Variants in CDH8 observed in about 807,000 individuals in gnomAD.
The protein encoded by CDH8 is cadherin-8.
A neutral mutation model predicts 68.1 loss-of-function variants in CDH8; 17 were observed. The observed-to-expected ratio is 0.25, with a 90% CI of 0.17 to 0.37. The LOEUF (loss-of-function observed/expected upper bound fraction) is 0.37. Ranked by LOEUF, CDH8 falls within the 10% of genes least tolerant of loss-of-function variation. CDH8 has a pLI of 1.00. For missense variants in CDH8, 763 were observed against 999.3 expected (o/e 0.76, Z 3.19); for synonymous variants, 372 against 365.1 (o/e 1.02, Z -0.21).
At chr16:61,971,912 A>G (rs867647383) in intron 2 of CDH8, among the ~76,000 whole-genome samples, 1 of 152,212 alleles carries the variant, frequency 6.6e-6, no homozygotes, top group Non-Finnish European at 1.5e-5. Context: ...AATTGAAAAA[A>G]ATTTGAATCT....
chr16:61,699,131 T>C (rs1567429002), intron 10 of CDH8, among the ~76,000 whole-genome samples: 1 of 152,140 alleles, frequency 6.6e-6, no homozygotes, highest in Non-Finnish European at 1.5e-5. Flanking sequence ...ATTATGGTAC[T>C]AAAAATCTCT....
chr16:61,788,386 C>G (rs916938470), intron 8 of CDH8, among the ~76,000 whole-genome samples: 1 of 152,022 alleles, frequency 6.6e-6, no homozygotes. Flanking sequence ...ATGAATCTTT[C>G]TTAACATTGA....
intron 10 of CDH8, among the ~76,000 whole-genome samples, chr16:61,711,977 A>G (rs1301492475): frequency 1.3e-5 from 2 of 151,746 alleles, no homozygotes; most frequent in African/African-American, 4.8e-5. Context: ...TTCAATAATA[A>G]CTGACATCTT....
intron 8 of CDH8, among the ~76,000 whole-genome samples, chr16:61,730,169 C>A (rs745623974): frequency 1.3e-5 from 2 of 151,290 alleles, no homozygotes; most frequent in African/African-American, 4.8e-5. Context: ...CCTAGATGAC[C>A]AACAGGTGGC....
intron 8 of CDH8, among the ~76,000 whole-genome samples, chr16:61,739,884 C>CATATATATATATATATATATATAT (rs35095367): frequency 3.0e-5 from 3 of 101,466 alleles, no homozygotes; most frequent in African/African-American, 3.9e-5. Context: ...CAACATATTC[C>CATATATATATATATATATATATAT]ATATATATAT....
At chr16:61,823,101 T>A (rs1189436876) in intron 5 of CDH8, among the ~76,000 whole-genome samples, 2 of 151,950 alleles carry the variant, frequency 1.3e-5, no homozygotes, top group Non-Finnish European at 2.9e-5. Context: ...TCCATTTCAA[T>A]AATTTTGTTT....
intron 8 of CDH8, among the ~76,000 whole-genome samples, chr16:61,759,788 T>C (rs1025435630): frequency 2.0e-5 from 3 of 152,190 alleles, no homozygotes; most frequent in African/African-American, 7.2e-5. Flanking sequence ...GTGTTTGTTT[T>C]AAATCATGAC....
At chr16:61,918,138 G>A (rs556938873) in intron 2 of CDH8, 2 of 151,568 alleles carry the variant, frequency 1.3e-5, no homozygotes, top group South Asian at 2.1e-4. Context: ...CCAGTTTCAC[G>A]TAAGAGTGTC....
chr16:61,667,748 A>G (rs1163367112), intron 10 of CDH8: 2 of 152,028 alleles, frequency 1.3e-5, no homozygotes, highest in South Asian at 4.1e-4. Flanking sequence ...AATAAATGCA[A>G]TAAGAAAATC....
At chr16:61,792,498 C>A (rs1447201843) in intron 7 of CDH8, among the ~76,000 whole-genome samples, 5 of 151,944 alleles carry the variant, frequency 3.3e-5, no homozygotes, top group Non-Finnish European at 5.9e-5. Context: ...TTTTGGTCAA[C>A]AAGCATGCAT....
At chr16:61,661,310 C>T (rs1963552841) in intron 10 of CDH8, among the ~76,000 whole-genome samples, 1 of 151,776 alleles carries the variant, frequency 6.6e-6, no homozygotes, top group South Asian at 2.1e-4. Context: ...GTTAAGTGAA[C>T]TTAGAACAGT....
chr16:61,972,938 CAG>C (rs958369062), intron 2 of CDH8, among the ~76,000 whole-genome samples: 7 of 152,142 alleles, frequency 4.6e-5, no homozygotes, highest in African/African-American at 1.4e-4. Flanking sequence ...CTTTTACAAA[CAG>C]AGTTGATTCT....
At chr16:61,768,346 C>CCCTT (rs1960660400) in intron 8 of CDH8, among the ~76,000 whole-genome samples, 1 of 107,118 alleles carries the variant, frequency 9.3e-6, no homozygotes, top group Non-Finnish European at 1.9e-5. Context: ...CTCTCTCTCT[C>CCCTT]TCTCTCTCTC....
At chr16:61,997,709 C>T (rs1965828635) in intron 2 of CDH8, among the ~76,000 whole-genome samples, 1 of 152,118 alleles carries the variant, frequency 6.6e-6, no homozygotes, top group Non-Finnish European at 1.5e-5. Context: ...GATAAACCAA[C>T]CTCACGTAAC....
chr16:61,738,302 G>C (rs558009528), intron 8 of CDH8, among the ~76,000 whole-genome samples: 1 of 152,234 alleles, frequency 6.6e-6, no homozygotes, highest in East Asian at 1.9e-4. Context: ...AAAATGTGCA[G>C]GTCTCTTGTT....
intron 1 of CDH8, among the ~76,000 whole-genome samples, 156 bp downstream of exon 1, chr16:62,035,924 T>C (rs1403884694): frequency 6.6e-6 from 1 of 152,184 alleles, no homozygotes; most frequent in African/African-American, 2.4e-5. Context: ...AAGACACAGC[T>C]TAGCCCAGAG....
intron 10 of CDH8, among the ~76,000 whole-genome samples, chr16:61,659,700 G>A (rs2142751010): frequency 6.6e-6 from 1 of 152,130 alleles, no homozygotes; most frequent in Middle Eastern, 3.4e-3. Flanking sequence ...TCTGCCCTAA[G>A]GTTTAGCTGT....
At chr16:61,742,596 C>T (rs1489814895) in intron 8 of CDH8, among the ~76,000 whole-genome samples, 2 of 152,244 alleles carry the variant, frequency 1.3e-5, no homozygotes, top group African/African-American at 2.4e-5. Flanking sequence ...AAAGATAGAT[C>T]ATCTTTTTCT....
At chr16:61,948,577 G>A (rs1322566063) in intron 2 of CDH8, among the ~76,000 whole-genome samples, 1 of 152,118 alleles carries the variant, frequency 6.6e-6, no homozygotes, top group Non-Finnish European at 1.5e-5. Context: ...ACTTAACAAG[G>A]AAAAACAGAG....
Sources: gnomAD v4.1 joint callset for allele counts (sites outside exome capture counted in the v4.1 genomes callset) on GRCh38, gnomAD v4.1.1 for gene constraint, MANE v1.5 for transcripts, NCBI Gene and HGNC (gene_info 2026-07-23, HGNC 2026-07-21) for gene names.